DLGAP3: variants seen among roughly 807,000 people sequenced by gnomAD.
The protein encoded by DLGAP3 is disks large-associated protein 3.
A neutral mutation model predicts 81.2 loss-of-function variants in DLGAP3; 17 were observed. That is an observed-to-expected ratio of 0.21 (90% CI 0.14 to 0.31). The LOEUF (loss-of-function observed/expected upper bound fraction) is 0.31. Among genes scored for constraint, DLGAP3 ranks in the 10% least tolerant of loss-of-function variants. The pLI, the probability that DLGAP3 is intolerant of heterozygous loss-of-function variation, is 1.00. For synonymous variants in DLGAP3, 577 were observed against 587.4 expected, an observed-to-expected ratio of 0.98 and a Z score of 0.26; for missense variants, 1,124 against 1,388.0, an observed-to-expected ratio of 0.81 and a Z score of 3.02.
intron 5 of DLGAP3, among the ~76,000 whole-genome samples, chr1:34,887,891 G>A (rs1185375369): frequency 1.3e-5 from 2 of 152,238 alleles, no homozygotes; most frequent in East Asian, 3.8e-4. Flanking sequence ...TTTTGGTACA[G>A]GTACTGGCAC....
At chr1:34,920,362 G>A (rs1284894046) in intron 1 of DLGAP3, among the ~76,000 whole-genome samples, 1 of 152,164 alleles carries the variant, frequency 6.6e-6, no homozygotes, top group African/African-American at 2.4e-5. Context: ...TTGGTGACAA[G>A]ATCCAAAAGG....
At position 34,867,297 on chromosome 1, in the gene DLGAP3, G is replaced by C; in HGVS notation, c.2578-106C>G. The C allele has an allele frequency of 6.6e-7, 1 of 1,525,112 alleles. No individual in the cohort carries two copies. The highest frequency in any genetic ancestry group is 9.0e-7 in the Non-Finnish European group (1 of 1,105,488). 94.5% of individuals were successfully genotyped at this position (1,525,112 alleles called of 1,614,324 possible). On this transcript the variant is annotated intron_variant, in intron 10 of 11. Coordinates refer to ENST00000373347, the MANE Select transcript of DLGAP3 (RefSeq NM_001080418.3). This position sits in a 1 kb window ranked among gnomAD's most constrained non-coding sequence, Gnocchi z 4.3. ...CCCTTACTGCCAGGAAGCTCAGCCT[G>C]GGAGAGTGGGTGGGGGCTGGGAGAC...
intron 8 of DLGAP3, 66 bp from the exon 9 acceptor site, chr1:34,869,155 A>G: frequency 8.4e-7 from 1 of 1,190,070 alleles, no homozygotes; most frequent in East Asian, 2.4e-5. Flanking sequence ...CCCCACCCCA[A>G]GCAAAAAAAA....
At chr1:34,912,703 G>A (rs1639656723) in intron 1 of DLGAP3, among the ~76,000 whole-genome samples, 1 of 152,134 alleles carries the variant, frequency 6.6e-6, no homozygotes, top group Admixed American at 6.5e-5. Flanking sequence ...GGATCCCACA[G>A]TTTTAGGCTT....
At chr1:34,893,763 T>G (rs893001675) in intron 5 of DLGAP3, among the ~76,000 whole-genome samples, 1 of 152,236 alleles carries the variant, frequency 6.6e-6, no homozygotes, top group Non-Finnish European at 1.5e-5. Flanking sequence ...TCAAATTGTA[T>G]AGTAAAAAAT....
At position 34,892,129 on chromosome 1, in the gene DLGAP3, C is replaced by T. The variant is rs1212481926; in HGVS notation, c.1387-5844G>A. 2.0e-5 allele frequency among the ~76,000 whole-genome samples: 3 copies of T among 152,024 alleles called. No homozygotes were observed. The East Asian group carries it at 5.8e-4, about 29-fold the overall frequency. ...AAAGATTTAAAGGAAAGCATGACAACAATGACTTCATGAATACAAATCACA... is the reference window on the plus strand; with the variant it reads ...AAAGATTTAAAGGAAAGCATGACAATAATGACTTCATGAATACAAATCACA... On this transcript the variant is annotated intron_variant, in intron 5 of 11. Transcript: ENST00000373347.
intron 6 of DLGAP3, 124 bp from the exon 7 acceptor site, chr1:34,885,915 T>C (rs1639219018): frequency 3.5e-6 from 4 of 1,130,428 alleles, no homozygotes; most frequent in Non-Finnish European, 4.9e-6. Context: ...GCACTCCACA[T>C]GCTGCTGCAC....
chr1:34,898,448 G>T (rs1639407788), intron 5 of DLGAP3, among the ~76,000 whole-genome samples: 1 of 152,208 alleles, frequency 6.6e-6, no homozygotes, highest in African/African-American at 2.4e-5. Flanking sequence ...TAACTCGTGG[G>T]TTTAACAACA....
intron 5 of DLGAP3, among the ~76,000 whole-genome samples, chr1:34,899,065 C>T (rs1639415737): frequency 6.6e-6 from 1 of 151,126 alleles, no homozygotes; most frequent in Admixed American, 6.6e-5. Flanking sequence ...GGCCTGCGCC[C>T]TGTCTGTACA....
At chr1:34,878,607 G>A (rs1217644124) in intron 8 of DLGAP3, among the ~76,000 whole-genome samples, 1 of 152,044 alleles carries the variant, frequency 6.6e-6, no homozygotes, top group Non-Finnish European at 1.5e-5. Flanking sequence ...CAGGGAAAAT[G>A]ACATATCCAC....
intron 8 of DLGAP3, among the ~76,000 whole-genome samples, chr1:34,869,871 A>T (rs1239573427): frequency 1.3e-5 from 2 of 152,248 alleles, no homozygotes; most frequent in South Asian, 4.1e-4. Context: ...GAGTAAACTA[A>T]GTAAACCCAG....
At chr1:34,908,411 T>C (rs974024194) in intron 1 of DLGAP3, among the ~76,000 whole-genome samples, 2 of 152,028 alleles carry the variant, frequency 1.3e-5, no homozygotes, top group African/African-American at 4.8e-5. Context: ...ACCTACCCAG[T>C]GGAGGAAACA....
intron 1 of DLGAP3, among the ~76,000 whole-genome samples, chr1:34,920,993 G>T (rs1380558015): frequency 6.6e-6 from 1 of 152,192 alleles, no homozygotes; most frequent in Non-Finnish European, 1.5e-5. Context: ...CCAAAAATGT[G>T]ACTTGAGCAA....
intron 5 of DLGAP3, among the ~76,000 whole-genome samples, chr1:34,891,623 GA>G (rs1319421149): frequency 1.3e-5 from 2 of 152,222 alleles, no homozygotes; most frequent in Admixed American, 1.3e-4. Flanking sequence ...GTCTGGTGAA[GA>G]GTAAAAGCCA....
At chr1:34,911,145 G>A (rs949350540) in intron 1 of DLGAP3, among the ~76,000 whole-genome samples, 3 of 151,576 alleles carry the variant, frequency 2.0e-5, no homozygotes, top group Admixed American at 1.3e-4. Context: ...AGTGTTGGCC[G>A]ATTCCAAAGC....
chr1:34,925,183 A>AC (rs59300706), intron 1 of DLGAP3, among the ~76,000 whole-genome samples: 9,089 of 138,716 alleles, frequency 0.066, 315 homozygotes, highest in Admixed American at 0.087. Flanking sequence ...GCACCTGACA[A>AC]CCCCCCCCCC....
chr1:34,900,148 G>T lies in DLGAP3; in HGVS notation c.1233C>A (p.Gly411=). 1 of 1,614,036 alleles carries T rather than the reference G, an allele frequency of 6.2e-7. No homozygotes were observed. ...MGDEESGDSD[G]SPKTSPKAVA... The stretch of plus-strand genomic sequence containing the variant: ...CTGCTTTGGGAGATGTCTTGGGGCT[G>T]CCGTCTGAGTCTCCGCTCTCCTCAT... Residue 411 remains glycine, a synonymous_variant, in exon 4 of 12, where the codon GGC becomes GGA. Coordinates refer to ENST00000373347, the MANE Select transcript of DLGAP3 (RefSeq NM_001080418.3). This position sits in a 1 kb window ranked among gnomAD's most constrained non-coding sequence, Gnocchi z 5.6.
At chr1:34,914,446 A>AGAACTCCTCTAGGACCT (rs1639686559) in intron 1 of DLGAP3, among the ~76,000 whole-genome samples, 1 of 152,182 alleles carries the variant, frequency 6.6e-6, no homozygotes. Context: ...TTCTAGGACC[A>AGAACTCCTCTAGGACCT]GAACTCCTCT....
Position 34,869,638 on chromosome 1 carries a change from C to T in DLGAP3, c.2001-549G>A, listed in dbSNP as rs150955640. 7.9e-3 allele frequency among the ~76,000 whole-genome samples: 1,197 copies of T among 152,060 alleles called. 6 individuals carry two copies. Among genetic ancestry groups the T allele is most frequent in the Middle Eastern group, 0.031 (9 of 294 alleles). On this transcript the variant is annotated intron_variant, in intron 8 of 11. Coordinates refer to ENST00000373347, the MANE Select transcript of DLGAP3 (RefSeq NM_001080418.3). ...CCGAGTAACTGGGATTACAGGCATGCGCCTTTTGTCTCTTTTTGGAAGAGA... is the reference window on the plus strand; with the variant it reads ...CCGAGTAACTGGGATTACAGGCATGTGCCTTTTGTCTCTTTTTGGAAGAGA...
Sources: allele counts gnomAD v4.1 joint callset (sites outside exome capture counted in the v4.1 genomes callset), GRCh38; gene constraint gnomAD v4.1.1; non-coding constraint Gnocchi (gnomAD v3.1); transcripts MANE v1.5; gene names NCBI Gene and HGNC (gene_info 2026-07-23, HGNC 2026-07-21).